LRRFIP1: variants seen among roughly 807,000 people sequenced by gnomAD.
LRRFIP1 encodes the protein leucine-rich repeat flightless-interacting protein 1.
In LRRFIP1, 62 loss-of-function variants were observed where a neutral mutation model predicts 104.4. That is an observed-to-expected ratio of 0.59 (90% CI 0.48 to 0.73). The LOEUF (loss-of-function observed/expected upper bound fraction) is 0.73. LRRFIP1 is among the 30% of genes least tolerant of loss of function. The probability of loss-of-function intolerance (pLI) is 0.00; values close to 1 mark genes in which losing one functional copy is unlikely to be tolerated. For synonymous variants in LRRFIP1, 300 were observed against 299.0 expected, an observed-to-expected ratio of 1.00 and a Z score of -0.03; for missense variants, 796 against 824.5, an observed-to-expected ratio of 0.97 and a Z score of 0.42.
chr2:237,704,689 C>T (rs541206239), intron 1 of LRRFIP1, among the ~76,000 whole-genome samples: 1 of 152,184 alleles, frequency 6.6e-6, no homozygotes, highest in East Asian at 1.9e-4. Flanking sequence ...ATGTGAGGAT[C>T]GTAAGGGGGG....
At chr2:237,680,750 G>A (rs111271313) in intron 1 of LRRFIP1, among the ~76,000 whole-genome samples, 2 of 152,362 alleles carry the variant, frequency 1.3e-5, no homozygotes, top group African/African-American at 4.8e-5. Flanking sequence ...GGGAGATTGA[G>A]GTGGGCCCAT....
intron 1 of LRRFIP1, among the ~76,000 whole-genome samples, chr2:237,678,071 G>A (rs1049465255): frequency 6.6e-6 from 1 of 152,150 alleles, no homozygotes; most frequent in African/African-American, 2.4e-5. Context: ...CCAAAAAGGA[G>A]AAGTTCATGA....
intron 1 of LRRFIP1, among the ~76,000 whole-genome samples, chr2:237,701,254 ATCT>A (rs2093505673): frequency 6.6e-6 from 1 of 152,098 alleles, no homozygotes; most frequent in Non-Finnish European, 1.5e-5. Flanking sequence ...CCACATGATG[ATCT>A]TCTGGTAGGA....
intron 1 of LRRFIP1, among the ~76,000 whole-genome samples, chr2:237,669,906 T>C (rs6723512): frequency 0.89 from 135,080 of 152,204 alleles, 60,050 homozygotes; most frequent in East Asian, 0.93. Context: ...CCTCGCACGT[T>C]GCTTTTGGGA....
At chr2:237,761,196 T>C (rs1212694256) in intron 19 of LRRFIP1, among the ~76,000 whole-genome samples, 2 of 152,254 alleles carry the variant, frequency 1.3e-5, no homozygotes, top group Non-Finnish European at 2.9e-5. Context: ...ATTATCTTTA[T>C]GACTATTAAA....
At chr2:237,629,268 G>T (rs2082005555) in intron 1 of LRRFIP1, among the ~76,000 whole-genome samples, 1 of 152,186 alleles carries the variant, frequency 6.6e-6, no homozygotes, top group Non-Finnish European at 1.5e-5. Context: ...AAATATAGTA[G>T]CTTGAGTATA....
rs1349978104 is a variant in LRRFIP1, at chr2:237,649,068, G to A, written c.96+21328G>A. On this transcript the variant is annotated intron_variant, in intron 1 of 23. Coordinates refer to ENST00000308482, the MANE Select transcript of LRRFIP1 (RefSeq NM_001137550.2). This position sits in a 1 kb window ranked among gnomAD's most constrained non-coding sequence, Gnocchi z 4.1. ...GTTGCCTCCCATCTGTGGTCAGCACGGAGGCTGCCCTGGGTCTTGGCCGGC... is the reference window on the plus strand; with the variant it reads ...GTTGCCTCCCATCTGTGGTCAGCACAGAGGCTGCCCTGGGTCTTGGCCGGC... Among the ~76,000 whole-genome samples the A allele has an allele frequency of 6.6e-6, 1 of 151,858 alleles. No individual in the cohort carries two copies. The highest frequency in any genetic ancestry group is 6.6e-5 in the Admixed American group (1 of 15,244).
chr2:237,653,003 G>A (rs1382099258), intron 1 of LRRFIP1, among the ~76,000 whole-genome samples: 1 of 152,162 alleles, frequency 6.6e-6, no homozygotes, highest in Admixed American at 6.5e-5. Context: ...TTGTTTAAAA[G>A]TGTGTAGCAC....
rs991445545 is a variant in LRRFIP1 at position 237,708,801 on chromosome 2, T to C, written c.183+171T>C. On this transcript the variant is annotated intron_variant, in intron 2 of 23. Transcript: ENST00000308482. ...CCCAAGGTCAGGCCAGGAGTGCGCA[T>C]AGCACGGATACCAGGCGTGCCTGCT... 9.2e-6 allele frequency: 7 copies of C among 763,992 alleles called. No homozygotes were observed. The Admixed American group carries it at 1.2e-4, about 13-fold the overall frequency. The allele number at this position is 763,992 out of a possible 1,614,324, so 47.3% of individuals were successfully genotyped here.
rs577489207 is a variant in LRRFIP1, at chr2:237,703,842, G to C, written c.97-4702G>C. Among the ~76,000 whole-genome samples the C allele has an allele frequency of 6.6e-6, 1 of 152,200 alleles. No individual in the cohort carries two copies. Among genetic ancestry groups the C allele is most frequent in the Non-Finnish European group, 1.5e-5 (1 of 68,008 alleles). On this transcript the variant is annotated intron_variant, in intron 1 of 23. Coordinates refer to ENST00000308482, the MANE Select transcript of LRRFIP1 (RefSeq NM_001137550.2). The surrounding 1 kb of genome is among the most constrained non-coding windows in gnomAD (Gnocchi z 4.3). Reference sequence around the variant, plus strand: ...GTTCACAGCACAGTGCATTCCTGTGGCCTCCCCGGGCCACGGTCAGCCCAC... The same window carrying C: ...GTTCACAGCACAGTGCATTCCTGTGCCCTCCCCGGGCCACGGTCAGCCCAC...
In LRRFIP1 at chr2:237,760,305, A is replaced by G; in HGVS notation, c.1459+100A>G. Reference sequence around the variant, plus strand: ...TTGGAGCCACCGTCGCTGATGGGTTAACAGTCACCAGCATGCCATTTGTTT... The same window carrying G: ...TTGGAGCCACCGTCGCTGATGGGTTGACAGTCACCAGCATGCCATTTGTTT... On this transcript the variant is annotated intron_variant, in intron 19 of 23. Transcript: ENST00000308482. 4 of 1,286,390 alleles carry G rather than the reference A, an allele frequency of 3.1e-6. No homozygotes were observed. In the South Asian group the frequency reaches 4.3e-5, roughly 14 times the overall value. The allele number at this position is 1,286,390 out of a possible 1,614,324, so 79.7% of individuals were successfully genotyped here. A position where few individuals can be genotyped will look rare whatever the true frequency, so the allele number is the denominator to read the frequency against.
intron 11 of LRRFIP1, among the ~76,000 whole-genome samples, chr2:237,740,261 A>AG (rs1576088123): frequency 6.6e-6 from 1 of 151,820 alleles, no homozygotes; most frequent in Non-Finnish European, 1.5e-5. Flanking sequence ...AAAAAAAAAA[A>AG]AAAAATTAGC....
At chr2:237,637,838 CCTTGATTT>C (rs2083320350) in intron 1 of LRRFIP1, among the ~76,000 whole-genome samples, 1 of 152,118 alleles carries the variant, frequency 6.6e-6, no homozygotes, top group South Asian at 2.1e-4. Flanking sequence ...CCCTCATTGT[CCTTGATTT>C]CTTTCATTTT....
In LRRFIP1 at chr2:237,697,820, C is replaced by T. The variant is rs187856467; in HGVS notation, c.97-10724C>T. Among the ~76,000 whole-genome samples the T allele has an allele frequency of 1.4e-3, 217 of 151,734 alleles. 2 individuals carry two copies. The highest frequency in any genetic ancestry group is 4.9e-3 in the African/African-American group (204 of 41,284). On this transcript the variant is annotated intron_variant, in intron 1 of 23. Coordinates refer to ENST00000308482, the MANE Select transcript of LRRFIP1 (RefSeq NM_001137550.2). ...CACAGGGGAGGCCCAGCCGCCCTCG[C>T]CTCTCAGTCCCGCACGTCTCTGTTA...
In LRRFIP1 at chr2:237,744,476, G is replaced by A. The variant is rs115374193; in HGVS notation, c.634-3888G>A. ...GCAGCTGGAACATGGAAAACTTAGC[G>A]TTTTAGCCTCACCAGGCATCGTGTG... On this transcript the variant is annotated intron_variant, in intron 11 of 23. Transcript: ENST00000308482. 3.8e-3 allele frequency among the ~76,000 whole-genome samples: 584 copies of A among 152,238 alleles called. 3 individuals carry two copies. The highest frequency in any genetic ancestry group is 0.013 in the African/African-American group (526 of 41,548).
In LRRFIP1 at chr2:237,780,711, T is replaced by C. The variant is rs1227757971; in HGVS notation, c.*1179T>C. Among the ~76,000 whole-genome samples, 1 of 152,082 alleles carries C rather than the reference T, an allele frequency of 6.6e-6. No homozygotes were observed. The highest frequency in any genetic ancestry group is 1.5e-5 in the Non-Finnish European group (1 of 68,026). On this transcript the variant is annotated 3_prime_UTR_variant, in exon 24 of 24. Coordinates refer to ENST00000308482, the MANE Select transcript of LRRFIP1 (RefSeq NM_001137550.2). ...CACATGGAGAATGCTGGAGTGAGGG[T>C]TGTGAGTTCAGGGTATATAATCAAG... is the stretch of plus-strand genomic sequence containing the variant.
chr2:237,764,390 TCAAA>T (rs2060133355), intron 19 of LRRFIP1: 7 of 1,418,964 alleles, frequency 4.9e-6, no homozygotes, highest in Middle Eastern at 2.5e-4. Context: ...TCCAGTAGTA[TCAAA>T]CAATAATGTC....
At chr2:237,675,895 C>A (rs57425464) in intron 1 of LRRFIP1, among the ~76,000 whole-genome samples, 1 of 152,176 alleles carries the variant, frequency 6.6e-6, no homozygotes, top group Non-Finnish European at 1.5e-5. Context: ...ATTTTTATAG[C>A]TGGACAGGAT....
chr2:237,760,140 A>G lies in LRRFIP1; in HGVS notation c.1394A>G (p.Gln465Arg), dbSNP rs3213869. ...GACACCCTCAATAATGTTGGATACC[A>G]AGGTCCTACCAAGATGACAAAAGAA... ...TSDTLNNVGY[Q>R]GPTKMTKEEL... Residue 465 changes from glutamine (Q) to arginine (R), a missense_variant, in exon 19 of 24, where the codon CAA (glutamine) becomes CGA (arginine). Transcript: ENST00000308482. 68,710 of 1,613,590 alleles carry G rather than the reference A, an allele frequency of 0.043. 1,617 individuals are homozygous for G. Among genetic ancestry groups the G allele is most frequent in the Middle Eastern group, 0.069 (421 of 6,062 alleles).
Sources: allele counts gnomAD v4.1 joint callset (sites outside exome capture counted in the v4.1 genomes callset), GRCh38; gene constraint gnomAD v4.1.1; non-coding constraint Gnocchi (gnomAD v3.1); transcripts MANE v1.5; gene names NCBI Gene and HGNC (gene_info 2026-07-23, HGNC 2026-07-21).